Variants in TTLL1 observed in about 807,000 individuals in gnomAD.
TTLL1 encodes the protein polyglutamylase complex subunit TTLL1.
A neutral mutation model predicts 47.8 loss-of-function variants in TTLL1; 33 were observed. The observed-to-expected ratio is 0.69, with a 90% CI of 0.52 to 0.92. The LOEUF (loss-of-function observed/expected upper bound fraction) is 0.92, where lower values mean the gene tolerates loss of function less well. TTLL1 is among the 40% of genes least tolerant of loss of function. TTLL1 has a pLI of 0.00. For missense variants in TTLL1, 488 were observed against 547.5 expected, an observed-to-expected ratio of 0.89 and a Z score of 1.08; for synonymous variants, 225 against 214.1, an observed-to-expected ratio of 1.05 and a Z score of -0.45.
chr22:43,049,502 A>C (rs554915320), intron 9 of TTLL1, among the ~76,000 whole-genome samples: 1 of 151,746 alleles, frequency 6.6e-6, no homozygotes, highest in Admixed American at 6.6e-5. Context: ...CAGCCTGGGC[A>C]ACAAGAGTGA....
At chr22:43,052,133 A>T in intron 8 of TTLL1, 2 of 497,618 alleles carry the variant, frequency 4.0e-6, no homozygotes, top group Non-Finnish European at 7.4e-6. Context: ...CGTCTCACTC[A>T]TCAGAGGCTT....
At chr22:43,040,652 G>T (rs1925599666) in intron 10 of TTLL1, among the ~76,000 whole-genome samples, 1 of 152,158 alleles carries the variant, frequency 6.6e-6, no homozygotes, top group Non-Finnish European at 1.5e-5. Flanking sequence ...CCCCATGTTG[G>T]CCAGGCTGGT....
intron 8 of TTLL1, among the ~76,000 whole-genome samples, chr22:43,057,526 AT>A (rs1927097453): frequency 6.6e-6 from 1 of 152,124 alleles, no homozygotes. Flanking sequence ...CATGGTGGTG[AT>A]TCTTTGAGCT....
intron 8 of TTLL1, among the ~76,000 whole-genome samples, chr22:43,056,278 G>A (rs911294884): frequency 3.3e-5 from 5 of 150,606 alleles, no homozygotes; most frequent in Non-Finnish European, 7.4e-5. Context: ...AGAATTGCTT[G>A]AACCTGGGAG....
In TTLL1 at chr22:43,077,163, G is replaced by A. The variant is rs116291459; in HGVS notation, c.-4-1573C>T. On this transcript the variant is annotated intron_variant, in intron 2 of 10. Coordinates refer to ENST00000266254, the MANE Select transcript of TTLL1 (RefSeq NM_012263.5). Reference sequence around the variant, plus strand: ...ATTTAATAACCTCCATGACTCCCCAGGGCACTTAAACACACAGACCCCTGG... The same window carrying A: ...ATTTAATAACCTCCATGACTCCCCAAGGCACTTAAACACACAGACCCCTGG... Among the ~76,000 whole-genome samples, 355 of 151,988 alleles carry A rather than the reference G, an allele frequency of 2.3e-3. 3 individuals carry two copies. Among genetic ancestry groups the A allele is most frequent in the African/African-American group, 8.3e-3 (343 of 41,480 alleles).
intron 10 of TTLL1, among the ~76,000 whole-genome samples, chr22:43,042,470 T>G (rs940062060): frequency 6.6e-6 from 1 of 152,182 alleles, no homozygotes; most frequent in Admixed American, 6.6e-5. Flanking sequence ...TTAGGGTTTT[T>G]TAAAGGCTGT....
intron 9 of TTLL1, among the ~76,000 whole-genome samples, chr22:43,050,238 A>G (rs1391462573): frequency 6.6e-6 from 1 of 151,804 alleles, no homozygotes; most frequent in African/African-American, 2.4e-5. Flanking sequence ...CAAAATGGTG[A>G]AACACCATCT....
At chr22:43,054,474 G>A (rs1926862785) in intron 8 of TTLL1, among the ~76,000 whole-genome samples, 1 of 151,094 alleles carries the variant, frequency 6.6e-6, no homozygotes, top group South Asian at 2.1e-4. Context: ...GCCCAGGCTG[G>A]AGTACAATGG....
Position 43,059,910 on chromosome 22 carries a change from G to C in TTLL1, c.748-383C>G, listed in dbSNP as rs575083406. 1.4e-4 allele frequency among the ~76,000 whole-genome samples: 22 copies of C among 152,248 alleles called. No individual in the cohort carries two copies. In the East Asian group the frequency reaches 4.3e-3, roughly 29 times the overall value. ...TCACTATGTTGCCCAGACTGGTCTTGAACTCCTGGCCTCAAGGGATCCTCC... is the reference window on the plus strand; with the variant it reads ...TCACTATGTTGCCCAGACTGGTCTTCAACTCCTGGCCTCAAGGGATCCTCC... On this transcript the variant is annotated intron_variant, in intron 7 of 10. Coordinates refer to ENST00000266254, the MANE Select transcript of TTLL1 (RefSeq NM_012263.5).
At chr22:43,052,997 T>A (rs1601665166) in intron 8 of TTLL1, among the ~76,000 whole-genome samples, 1 of 149,568 alleles carries the variant, frequency 6.7e-6, no homozygotes, top group African/African-American at 2.5e-5. Context: ...GAGGCGGAGG[T>A]TGCAGTAAGC....
chr22:43,040,778 C>T (rs1029273793), intron 10 of TTLL1, among the ~76,000 whole-genome samples: 1 of 152,158 alleles, frequency 6.6e-6, no homozygotes, highest in Non-Finnish European at 1.5e-5. Flanking sequence ...TCCCAATTAA[C>T]GTTCATGCAT....
intron 8 of TTLL1, among the ~76,000 whole-genome samples, chr22:43,059,059 C>T (rs557986451): frequency 2.7e-5 from 4 of 148,684 alleles, no homozygotes; most frequent in East Asian, 2.0e-4. Flanking sequence ...GTGTGACCTC[C>T]GCTCACTGCA....
intron 1 of TTLL1, among the ~76,000 whole-genome samples, chr22:43,082,814 G>A (rs1928985031): frequency 6.6e-6 from 1 of 151,270 alleles, no homozygotes; most frequent in African/African-American, 2.4e-5. Context: ...AGGAGTTTGA[G>A]ACCAGCCTGG....
chr22:43,053,997 T>A (rs1035603079), intron 8 of TTLL1, among the ~76,000 whole-genome samples: 3 of 152,190 alleles, frequency 2.0e-5, no homozygotes, highest in Admixed American at 1.3e-4. Context: ...ATTTAACCCT[T>A]CCCAATCATG....
At chr22:43,075,648 C>T in intron 2 of TTLL1, 58 bp from the exon 3 acceptor site, 1 of 1,460,254 alleles carries the variant, frequency 6.8e-7, no homozygotes, top group Non-Finnish European at 9.6e-7. Context: ...TCCCTTTAAA[C>T]CCAAGGAATC....
chr22:43,046,492 T>C lies in TTLL1; in HGVS notation c.1060A>G (p.Ile354Val), dbSNP rs140580398. Reference protein sequence around the residue: ...KYNLINDTLNIAVPNGEIPDC... With the variant: ...KYNLINDTLNVAVPNGEIPDC... ...GGGATTTCACCATTCGGGACGGCGATGTTGAGGGTGTCATTAATCAGGTTG... is the reference window on the plus strand; with the variant it reads ...GGGATTTCACCATTCGGGACGGCGACGTTGAGGGTGTCATTAATCAGGTTG... The change falls in exon 10 of 11, where the codon ATC becomes GTC. Residue 354 changes from isoleucine (I) to valine (V), a missense_variant. By Grantham distance (29) the Ile-to-Val change is conservative. Transcript: ENST00000266254. The C allele has an allele frequency of 1.2e-4, 201 of 1,613,914 alleles. No individual in the cohort carries two copies. Among genetic ancestry groups the C allele is most frequent in the Non-Finnish European group, 1.6e-4 (189 of 1,180,032 alleles).
rs552912108 is a variant in TTLL1, at chr22:43,085,499, T to C, written c.-90+3778A>G. On this transcript the variant is annotated intron_variant, in intron 1 of 10. Coordinates refer to ENST00000266254, the MANE Select transcript of TTLL1 (RefSeq NM_012263.5). ...TGGGAGTGGTTCCCCCGTACTGTTC[T>C]CGTGGTAGTGAATAAATCTTGTGAG... is the stretch of plus-strand genomic sequence containing the variant. Among the ~76,000 whole-genome samples the C allele has an allele frequency of 3.9e-5, 6 of 152,314 alleles. No homozygotes were observed. The East Asian group carries it at 1.2e-3, about 29-fold the overall frequency.
At chr22:43,075,269 C>T (rs1340638602) in intron 3 of TTLL1, among the ~76,000 whole-genome samples, 3 of 152,194 alleles carry the variant, frequency 2.0e-5, no homozygotes, top group African/African-American at 7.2e-5. Flanking sequence ...ACACCCCGGA[C>T]TTCATACCCC....
At chr22:43,088,234 T>C (rs1248133694) in intron 1 of TTLL1, among the ~76,000 whole-genome samples, 3 of 150,972 alleles carry the variant, frequency 2.0e-5, no homozygotes, top group Admixed American at 2.0e-4. Flanking sequence ...ATTGTCACTG[T>C]CCATCTCCAC....
Sources: allele counts gnomAD v4.1 joint callset (sites outside exome capture counted in the v4.1 genomes callset), GRCh38; gene constraint gnomAD v4.1.1; transcripts MANE v1.5; gene names NCBI Gene and HGNC (gene_info 2026-07-23, HGNC 2026-07-21).